LRP5: variants seen among roughly 807,000 people sequenced by gnomAD.
LRP5 encodes the protein LDL receptor related protein 5.
LRP5 carries 62 observed loss-of-function variants against 154.1 expected under a neutral mutation model. The observed-to-expected ratio is 0.40, with a 90% CI of 0.33 to 0.50. LRP5 has a LOEUF of 0.50. LRP5 is among the 20% of genes least tolerant of loss of function. The pLI, the probability that LRP5 is intolerant of heterozygous loss-of-function variation, is 0.55. For missense variants in LRP5, 1,915 were observed against 2,336.7 expected, an observed-to-expected ratio of 0.82 and a Z score of 3.72; for synonymous variants, 966 against 1,011.5, an observed-to-expected ratio of 0.96 and a Z score of 0.85.
rs193043071 is a variant in LRP5 at position 68,424,470 on chromosome 11, G to A, written c.3237-632G>A. ...GCAGCACACGGGGGGCTCGGTGGGC[G>A]GAAGCCCCGGGTCTATAAGGCGGCT... is the stretch of plus-strand genomic sequence containing the variant. On this transcript the variant is annotated intron_variant, in intron 14 of 22. Transcript: ENST00000294304. Among the ~76,000 whole-genome samples, 180 of 152,306 alleles carry A rather than the reference G, an allele frequency of 1.2e-3. 1 individual carries two copies. The highest frequency in any genetic ancestry group is 2.1e-3 in the Non-Finnish European group (145 of 68,034).
chr11:68,408,659 G>A (rs1235611300), intron 9 of LRP5, among the ~76,000 whole-genome samples: 3 of 151,972 alleles, frequency 2.0e-5, no homozygotes, highest in Non-Finnish European at 2.9e-5. Flanking sequence ...ATTTGATGGC[G>A]CTGTGACAAA....
intron 13 of LRP5, among the ~76,000 whole-genome samples, chr11:68,418,180 G>A (rs1591303641): frequency 6.6e-6 from 1 of 151,898 alleles, no homozygotes; most frequent in East Asian, 2.0e-4. Context: ...GCCGAAGTGG[G>A]TGGATCACGA....
intron 13 of LRP5, among the ~76,000 whole-genome samples, chr11:68,416,921 T>C (rs1433629164): frequency 6.6e-6 from 1 of 152,178 alleles, no homozygotes; most frequent in Non-Finnish European, 1.5e-5. Flanking sequence ...GAAAGACACC[T>C]ATGCAAAATC....
intron 5 of LRP5, among the ~76,000 whole-genome samples, chr11:68,374,207 G>A (rs768303504): frequency 4.6e-5 from 7 of 152,246 alleles, no homozygotes; most frequent in Non-Finnish European, 8.8e-5. Context: ...CGACGGCAAA[G>A]CCCCTCACGT....
At chr11:68,426,904 G>A (rs1460357432) in intron 16 of LRP5, among the ~76,000 whole-genome samples, 1 of 152,168 alleles carries the variant, frequency 6.6e-6, no homozygotes, top group Admixed American at 6.5e-5. Flanking sequence ...TTGTGGGATC[G>A]AGGTTCTGTT....
chr11:68,403,256 CAAACAAACAAACAAA>C lies in LRP5; in HGVS notation c.1585-211_1585-197del, dbSNP rs762980917. Among the ~76,000 whole-genome samples, 7 of 152,088 alleles carry C rather than the reference CAAACAAACAAACAAA, an allele frequency of 4.6e-5. 1 individual carries two copies. The highest frequency in any genetic ancestry group is 1.7e-4 in the African/African-American group (7 of 41,428). ...TGAGACGCTGTCTCAAAATCTCAAA[CAAACAAACAAACAAA>C]AAACAAACAAACAAAGCGTCATTTA... On this transcript the variant is annotated intron_variant, in intron 7 of 22. Transcript: ENST00000294304.
At chr11:68,427,961 TTTTATTTTATTTTTTTTA>T (rs989989739) in intron 16 of LRP5, among the ~76,000 whole-genome samples, 9 of 75,394 alleles carry the variant, frequency 1.2e-4, no homozygotes, top group Admixed American at 1.8e-4. Flanking sequence ...TTTTATTTTA[TTTTATTTTATTTTTTTTA>T]TTTATTTATT....
At chr11:68,357,512 A>G in intron 2 of LRP5, 138 bp from the exon 3 acceptor site, 1 of 803,286 alleles carries the variant, frequency 1.2e-6, no homozygotes, top group Non-Finnish European at 2.1e-6. Context: ...AATACCTGAA[A>G]CCATACCTGT....
chr11:68,365,415 G>A (rs2098630401), intron 4 of LRP5, among the ~76,000 whole-genome samples, 156 bp from the exon 5 acceptor site: 1 of 152,038 alleles, frequency 6.6e-6, no homozygotes. Flanking sequence ...GTGGAATGGT[G>A]CCAGCGGGGA....
At chr11:68,331,765 GTGTGTGTGTT>G (rs910527309) in intron 1 of LRP5, among the ~76,000 whole-genome samples, 5 of 151,930 alleles carry the variant, frequency 3.3e-5, no homozygotes, top group Non-Finnish European at 5.9e-5. Flanking sequence ...GTGTGTGTGT[GTGTGTGTGTT>G]TGAGTGTGCA....
intron 1 of LRP5, among the ~76,000 whole-genome samples, chr11:68,346,724 G>A (rs1293036016): frequency 6.6e-6 from 1 of 152,166 alleles, no homozygotes; most frequent in African/African-American, 2.4e-5. Context: ...GATGTTTTTT[G>A]GGGGTGTTTG....
chr11:68,316,717 G>A (rs1227243618), intron 1 of LRP5, among the ~76,000 whole-genome samples: 1 of 152,250 alleles, frequency 6.6e-6, no homozygotes, highest in African/African-American at 2.4e-5. Context: ...CTGCATCCTG[G>A]TGGAGGTGGC....
intron 5 of LRP5, among the ~76,000 whole-genome samples, chr11:68,372,504 T>TGCAGTGTCAGGCGGACCCG (rs2098634802): frequency 8.7e-5 from 5 of 57,490 alleles, no homozygotes; most frequent in South Asian, 1.2e-3. Context: ...ACCGGGGACT[T>TGCAGTGTCAGGCGGACCCG]GGAGCACCTA....
intron 2 of LRP5, among the ~76,000 whole-genome samples, chr11:68,355,343 G>A (rs2098622319): frequency 6.6e-6 from 1 of 152,214 alleles, no homozygotes; most frequent in African/African-American, 2.4e-5. Flanking sequence ...GCCCACCCCA[G>A]GAAGAAGGGA....
Position 68,367,897 on chromosome 11 carries a change from C to T in LRP5, c.1015+2195C>T, listed in dbSNP as rs566348290. On this transcript the variant is annotated intron_variant, in intron 5 of 22. Transcript: ENST00000294304. ...TGGCCAACATGGTGAAACTCCATCT[C>T]TACTAAAAATATAAAAATTAGCTGG... is the stretch of plus-strand genomic sequence containing the variant. Among the ~76,000 whole-genome samples the T allele has an allele frequency of 2.0e-5, 3 of 152,204 alleles. No individual in the cohort carries two copies. The South Asian group carries it at 6.2e-4, about 32-fold the overall frequency.
chr11:68,333,762 A>G (rs2098604165), intron 1 of LRP5, among the ~76,000 whole-genome samples: 1 of 152,240 alleles, frequency 6.6e-6, no homozygotes, highest in Non-Finnish European at 1.5e-5. Context: ...TATGCAAAAC[A>G]TAATACAACT....
At chr11:68,422,815 A>C (rs1389711032) in intron 13 of LRP5, among the ~76,000 whole-genome samples, 3 of 114,792 alleles carry the variant, frequency 2.6e-5, no homozygotes, top group Non-Finnish European at 5.4e-5. Context: ...CACCTTCCCT[A>C]CCCACCCTCA....
At chr11:68,436,029 G>T (rs946207343) in intron 18 of LRP5, among the ~76,000 whole-genome samples, 12 of 152,166 alleles carry the variant, frequency 7.9e-5, no homozygotes, top group Non-Finnish European at 1.2e-4. Flanking sequence ...CCCAGTGAGG[G>T]TCACATTTCC....
At position 68,406,960 on chromosome 11, in the gene LRP5, T is replaced by C. The variant is rs567358189; in HGVS notation, c.2091+147T>C. The C allele has an allele frequency of 7.7e-4, 551 of 714,402 alleles. 1 individual carries two copies. In the African/African-American group the frequency reaches 0.01, roughly 13 times the overall value. The allele number at this position is 714,402 out of a possible 1,614,324, so 44.3% of individuals were successfully genotyped here. A position where few individuals can be genotyped will look rare whatever the true frequency, so the allele number is the denominator to read the frequency against. On this transcript the variant is annotated intron_variant, in intron 9 of 22. Transcript: ENST00000294304. ...AGCTAATCAAATATGAGCAAGCCTA[T>C]TTAAAAAAAAAAAGATGATTATAAT...
Sources: gnomAD v4.1 joint callset for allele counts (sites outside exome capture counted in the v4.1 genomes callset) on GRCh38, gnomAD v4.1.1 for gene constraint, MANE v1.5 for transcripts, NCBI Gene and HGNC (gene_info 2026-07-23, HGNC 2026-07-21) for gene names.